The following FBXL17 variants were observed in gnomAD, a reference collection of about 807,000 sequenced individuals.
FBXL17 encodes F-box and leucine rich repeat protein 17.
In FBXL17, 22 loss-of-function variants were observed where a neutral mutation model predicts 66.2. The ratio of observed to expected loss-of-function variants is 0.33; its 90% CI spans 0.24 to 0.47. FBXL17 has a LOEUF of 0.47. Ranked by LOEUF, FBXL17 falls within the 20% of genes least tolerant of loss-of-function variation. The pLI is 1.00. For synonymous variants in FBXL17, 474 were observed against 400.5 expected (o/e 1.18, Z -2.19); for missense variants, 878 against 948.2 (o/e 0.93, Z 0.97).
At chr5:107,999,655 C>A (rs947069392) in intron 7 of FBXL17, among the ~76,000 whole-genome samples, 43 of 152,072 alleles carry the variant, frequency 2.8e-4, no homozygotes, top group Non-Finnish European at 5.9e-5. Flanking sequence ...CACACATACA[C>A]ACACAAACAC....
intron 6 of FBXL17, among the ~76,000 whole-genome samples, chr5:108,021,531 T>C (rs1204627576): frequency 6.6e-6 from 1 of 151,658 alleles, no homozygotes; most frequent in Non-Finnish European, 1.5e-5. Context: ...AACTTTAAAA[T>C]CTTTTACTTT....
chr5:108,125,351 C>T lies in FBXL17; in HGVS notation c.1745+60766G>A, dbSNP rs140918064. Among the ~76,000 whole-genome samples the T allele has an allele frequency of 3.1e-3, 474 of 151,964 alleles. 2 individuals are homozygous for T. Among genetic ancestry groups the T allele is most frequent in the African/African-American group, 0.011 (457 of 41,496 alleles). On this transcript the variant is annotated intron_variant, in intron 6 of 8. Coordinates refer to ENST00000542267, the MANE Select transcript of FBXL17 (RefSeq NM_001163315.3). The stretch of plus-strand genomic sequence containing the variant: ...ATAGTAAACATTAGGGCTTTCTCTG[C>T]TTGTACTATACAGAAAGATGAGATA...
chr5:108,271,665 C>T (rs1757272642), intron 4 of FBXL17, among the ~76,000 whole-genome samples: 1 of 152,166 alleles, frequency 6.6e-6, no homozygotes, highest in South Asian at 2.1e-4. Flanking sequence ...ACACCTGAAG[C>T]AACATGCTCA....
At chr5:108,108,257 G>C (rs1178300987) in intron 6 of FBXL17, among the ~76,000 whole-genome samples, 2 of 152,032 alleles carry the variant, frequency 1.3e-5, no homozygotes, top group African/African-American at 4.8e-5. Flanking sequence ...ATTTCTACTT[G>C]TCCATTATCC....
Position 107,956,100 on chromosome 5 carries a change from G to A in FBXL17, c.1822+64825C>T, listed in dbSNP as rs539541301. On this transcript the variant is annotated intron_variant, in intron 7 of 8. Transcript: ENST00000542267. ...AAACCATCAAAAACATAATCATTGT[G>A]TAGTAAAAGTCAATTTCTTTTTCCT... is the stretch of plus-strand genomic sequence containing the variant. 2.6e-5 allele frequency among the ~76,000 whole-genome samples: 4 copies of A among 152,268 alleles called. No individual in the cohort carries two copies. In the South Asian group the frequency reaches 8.3e-4, roughly 32 times the overall value.
intron 6 of FBXL17, among the ~76,000 whole-genome samples, chr5:108,171,260 C>G (rs768098072): frequency 3.9e-5 from 6 of 152,066 alleles, no homozygotes; most frequent in Non-Finnish European, 8.8e-5. Flanking sequence ...TTCAGGGACT[C>G]CAAGGTAAGT....
chr5:108,257,375 G>A (rs1016128562), intron 4 of FBXL17, among the ~76,000 whole-genome samples: 1 of 152,048 alleles, frequency 6.6e-6, no homozygotes, highest in African/African-American at 2.4e-5. Context: ...TATTCCATAA[G>A]CATACATCCA....
chr5:108,122,062 A>C (rs2149965813), intron 6 of FBXL17, among the ~76,000 whole-genome samples: 1 of 152,270 alleles, frequency 6.6e-6, no homozygotes, highest in South Asian at 2.1e-4. Context: ...AAGGCAATGA[A>C]ATAATATTCT....
intron 4 of FBXL17, among the ~76,000 whole-genome samples, chr5:108,241,318 T>G (rs1387162656): frequency 6.6e-6 from 1 of 152,176 alleles, no homozygotes; most frequent in Non-Finnish European, 1.5e-5. Flanking sequence ...TATATTTTTT[T>G]AAATTGAGCA....
At chr5:107,992,311 T>A (rs1301344212) in intron 7 of FBXL17, among the ~76,000 whole-genome samples, 1 of 152,164 alleles carries the variant, frequency 6.6e-6, no homozygotes, top group Non-Finnish European at 1.5e-5. Flanking sequence ...TCAAATACCC[T>A]GATTTAACAT....
At chr5:107,913,728 C>A (rs1357759339) in intron 7 of FBXL17, among the ~76,000 whole-genome samples, 1 of 152,100 alleles carries the variant, frequency 6.6e-6, no homozygotes, top group Non-Finnish European at 1.5e-5. Flanking sequence ...TGGGGCTTAG[C>A]TTCGTCAACA....
intron 6 of FBXL17, among the ~76,000 whole-genome samples, chr5:108,144,788 A>G (rs918858215): frequency 7.2e-5 from 11 of 152,216 alleles, no homozygotes. Context: ...TGAAACTGAC[A>G]AAATCTTTTA....
intron 4 of FBXL17, among the ~76,000 whole-genome samples, chr5:108,287,450 G>A (rs1004851779): frequency 5.9e-5 from 9 of 151,884 alleles, no homozygotes; most frequent in Non-Finnish European, 1.2e-4. Flanking sequence ...TTAAAAAGTG[G>A]GCAAAGGATA....
At chr5:108,274,074 CTT>C (rs550029951) in intron 4 of FBXL17, among the ~76,000 whole-genome samples, 49 of 152,232 alleles carry the variant, frequency 3.2e-4, no homozygotes, top group African/African-American at 1.2e-3. Context: ...TAATTAAAGA[CTT>C]ATAAAAAAAG....
intron 6 of FBXL17, among the ~76,000 whole-genome samples, chr5:108,158,056 G>A (rs1752061503): frequency 6.6e-6 from 1 of 151,974 alleles, no homozygotes; most frequent in South Asian, 2.1e-4. Flanking sequence ...GTATATAAAG[G>A]AAATAAAAGG....
chr5:108,021,995 G>T (rs895884396), intron 6 of FBXL17, among the ~76,000 whole-genome samples: 3 of 151,714 alleles, frequency 2.0e-5, no homozygotes, highest in African/African-American at 7.2e-5. Flanking sequence ...TTTATTTGCT[G>T]TCTGGCTTAT....
intron 6 of FBXL17, among the ~76,000 whole-genome samples, chr5:108,110,699 C>A (rs528697547): frequency 1.3e-5 from 2 of 151,964 alleles, no homozygotes; most frequent in Non-Finnish European, 1.5e-5. Flanking sequence ...AGAATCATAA[C>A]CTGCCAATCC....
At position 108,381,422 on chromosome 5, in the gene FBXL17, G is replaced by A. The variant is rs1749911243; in HGVS notation, c.270C>T (p.Ala90=). ...GCTGAGAGGAGGAGGCGGCAGCGTA[G>A]GCCCCGTCCCGCGGCGGCGGCGAGA... The part of the protein sequence containing the change: ...PPLSPPPRDG[A]YAAASSSQHL... The change falls in exon 1 of 9, where the codon GCC becomes GCT. Residue 90 remains alanine (A), a synonymous_variant. Transcript: ENST00000542267. The A allele has an allele frequency of 7.6e-6, 10 of 1,317,978 alleles. No homozygotes were observed. The highest frequency in any genetic ancestry group is 8.3e-5 in the Admixed American group (2 of 24,080). The allele number at this position is 1,317,978 out of a possible 1,614,324, so 81.6% of individuals were successfully genotyped here.
At chr5:108,354,823 A>C (rs765821874) in intron 3 of FBXL17, among the ~76,000 whole-genome samples, 1 of 152,046 alleles carries the variant, frequency 6.6e-6, no homozygotes, top group Non-Finnish European at 1.5e-5. Context: ...AATTATATCT[A>C]ACTTTTCCTT....
Sources: allele counts gnomAD v4.1 joint callset (sites outside exome capture counted in the v4.1 genomes callset), GRCh38; gene constraint gnomAD v4.1.1; transcripts MANE v1.5; gene names NCBI Gene and HGNC (gene_info 2026-07-23, HGNC 2026-07-21).